The following EPC2 variants were observed in gnomAD, a reference collection of about 807,000 sequenced individuals.
EPC2 encodes the protein enhancer of polycomb homolog 2.
In EPC2, 14 loss-of-function variants were observed where a neutral mutation model predicts 92.1. The ratio of observed to expected loss-of-function variants is 0.15; its 90% CI spans 0.10 to 0.24. EPC2 has a LOEUF of 0.24. Among genes scored for constraint, EPC2 ranks in the 10% least tolerant of loss-of-function variants. EPC2 has a pLI of 1.00. For synonymous variants in EPC2, 340 were observed against 334.7 expected (o/e 1.02, Z -0.17); for missense variants, 755 against 971.5 (o/e 0.78, Z 2.96).
At chr2:148,777,167 C>G (rs1683663223) in intron 10 of EPC2, among the ~76,000 whole-genome samples, 1 of 151,752 alleles carries the variant, frequency 6.6e-6, no homozygotes, top group South Asian at 2.1e-4. Context: ...GCCAAAGACA[C>G]TGTCTCTTAA....
Position 148,644,755 on chromosome 2 carries a change from A to G in EPC2, c.-263A>G. 1 of 366,578 alleles carries G rather than the reference A, an allele frequency of 2.7e-6. No individual in the cohort carries two copies. Among genetic ancestry groups the G allele is most frequent in the Non-Finnish European group, 5.0e-6 (1 of 201,154 alleles). 22.7% of individuals were successfully genotyped at this position (366,578 alleles called of 1,614,324 possible). On this transcript the variant is annotated 5_prime_UTR_variant, in exon 1 of 14. An upstream start codon of the reference 5' UTR is lost. Coordinates refer to ENST00000258484, the MANE Select transcript of EPC2 (RefSeq NM_015630.4). Reference sequence around the variant, plus strand: ...GGGATCGCTCGCCGCCGCTGTGGTAATGTCCGCCATGTTGGCCATGGCGCA... The same window carrying G: ...GGGATCGCTCGCCGCCGCTGTGGTAGTGTCCGCCATGTTGGCCATGGCGCA...
At chr2:148,685,343 A>C (rs138930745) in intron 1 of EPC2, among the ~76,000 whole-genome samples, 2 of 151,920 alleles carry the variant, frequency 1.3e-5, no homozygotes, top group Non-Finnish European at 2.9e-5. Flanking sequence ...TCTTCTGTCT[A>C]TGGTTTTATT....
chr2:148,691,399 T>G, intron 2 of EPC2: 11 of 1,006,712 alleles, frequency 1.1e-5, no homozygotes, highest in Non-Finnish European at 1.5e-5. Context: ...CCTACCTGTA[T>G]GAGAATCTCT....
chr2:148,743,807 A>G, intron 3 of EPC2, 40 bp downstream of exon 3: 2 of 1,448,878 alleles, frequency 1.4e-6, no homozygotes, highest in Non-Finnish European at 1.8e-6. Flanking sequence ...CTTCTAGTTA[A>G]CCCAATTTGC....
intron 1 of EPC2, 131 bp downstream of exon 1, chr2:148,645,301 A>T: frequency 1.2e-6 from 1 of 807,346 alleles, no homozygotes; most frequent in Non-Finnish European, 1.9e-6. Context: ...ACGGGACTCT[A>T]CGCCGGCGGA....
chr2:148,753,956 G>A lies in EPC2; in HGVS notation c.489G>A (p.Leu163=). Residue 163 remains leucine (L), a synonymous_variant, in exon 4 of 14, where the codon CTG becomes CTA. Transcript: ENST00000258484. The part of the protein sequence containing the change: ...QLVTLQEAKL[L]LNEDDYLIKA... ...TAACACTTCAAGAAGCAAAACTGCT[G>A]CTAAACGAAGATGATTACCTTATTA... The A allele has an allele frequency of 1.2e-6, 2 of 1,611,508 alleles. No individual in the cohort carries two copies. Among genetic ancestry groups the A allele is most frequent in the African/African-American group, 1.3e-5 (1 of 75,012 alleles).
At chr2:148,682,946 A>G (rs781397251) in intron 1 of EPC2, among the ~76,000 whole-genome samples, 25 of 152,162 alleles carry the variant, frequency 1.6e-4, no homozygotes, top group Admixed American at 3.9e-4. Context: ...GGCAAAATCC[A>G]TACTGTTTTA....
chr2:148,711,206 G>A (rs1179687344), intron 2 of EPC2, among the ~76,000 whole-genome samples: 5 of 151,838 alleles, frequency 3.3e-5, no homozygotes, highest in South Asian at 2.1e-4. Context: ...AATATATGCA[G>A]TCAGTCCTAT....
intron 8 of EPC2, among the ~76,000 whole-genome samples, chr2:148,769,635 C>T (rs1260774784): frequency 3.3e-5 from 5 of 152,088 alleles, no homozygotes; most frequent in African/African-American, 9.7e-5. Context: ...TGCATACATA[C>T]CAGTAAGTAT....
intron 11 of EPC2, among the ~76,000 whole-genome samples, chr2:148,782,112 T>C (rs1354112893): frequency 1.3e-5 from 2 of 152,190 alleles, no homozygotes; most frequent in Non-Finnish European, 2.9e-5. Context: ...GATAAAACTT[T>C]CCTAACCACT....
intron 1 of EPC2, among the ~76,000 whole-genome samples, chr2:148,667,868 G>T (rs917115956): frequency 2.0e-5 from 3 of 152,094 alleles, no homozygotes; most frequent in Non-Finnish European, 4.4e-5. Context: ...TTCTGTATCT[G>T]TAGAGATGAT....
At chr2:148,739,778 C>G (rs183472994) in intron 2 of EPC2, among the ~76,000 whole-genome samples, 3 of 151,198 alleles carry the variant, frequency 2.0e-5, no homozygotes, top group Non-Finnish European at 4.4e-5. Flanking sequence ...TAGTCATGCA[C>G]CCTCTTAAAT....
chr2:148,652,992 TTG>T (rs1680716821), intron 1 of EPC2, among the ~76,000 whole-genome samples: 2 of 152,150 alleles, frequency 1.3e-5, no homozygotes, highest in East Asian at 3.9e-4. Flanking sequence ...TTTTTCTCAC[TTG>T]AGTGTGTGTG....
At chr2:148,693,430 ACTGT>A (rs1681681458) in intron 2 of EPC2, among the ~76,000 whole-genome samples, 1 of 152,138 alleles carries the variant, frequency 6.6e-6, no homozygotes, top group Non-Finnish European at 1.5e-5. Flanking sequence ...ATTTTCAGTG[ACTGT>A]CTGTTGACTA....
intron 1 of EPC2, among the ~76,000 whole-genome samples, chr2:148,689,276 A>ACGC (rs1025840275): frequency 2.0e-5 from 3 of 151,212 alleles, no homozygotes; most frequent in Admixed American, 2.0e-4. Flanking sequence ...TCCTGGGTTC[A>ACGC]CGCCATTCTC....
chr2:148,712,924 T>C (rs994575908), intron 2 of EPC2, among the ~76,000 whole-genome samples: 3 of 151,090 alleles, frequency 2.0e-5, no homozygotes, highest in African/African-American at 7.3e-5. Context: ...CCAGGTGCCA[T>C]GGTGGCTCAC....
At chr2:148,743,861 A>G (rs16829211) in intron 3 of EPC2, 94 bp downstream of exon 3, 27 of 1,034,596 alleles carry the variant, frequency 2.6e-5, no homozygotes, top group Non-Finnish European at 3.6e-5. Context: ...TGTTTCTTGG[A>G]TTTCTTTTCC....
intron 3 of EPC2, 146 bp from the exon 4 acceptor site, chr2:148,753,781 G>A: frequency 3.3e-6 from 2 of 614,276 alleles, no homozygotes; most frequent in South Asian, 2.4e-5. Context: ...CCTTCATTAG[G>A]TTGAATTGAA....
intron 10 of EPC2, among the ~76,000 whole-genome samples, chr2:148,779,534 G>A (rs1404412907): frequency 6.6e-6 from 1 of 152,156 alleles, no homozygotes; most frequent in Non-Finnish European, 1.5e-5. Context: ...AGTGAGCTAT[G>A]ATTGCACCAC....
Sources: allele counts gnomAD v4.1 joint callset (sites outside exome capture counted in the v4.1 genomes callset), GRCh38; gene constraint gnomAD v4.1.1; transcripts MANE v1.5; gene names NCBI Gene and HGNC (gene_info 2026-07-23, HGNC 2026-07-21).